Variants in GRAMD2A observed in about 807,000 individuals in gnomAD.
The protein encoded by GRAMD2A is GRAM domain-containing protein 2A.
Under a neutral mutation model 51.1 loss-of-function variants are expected in GRAMD2A, and 37 were observed. That is an observed-to-expected ratio of 0.72 (90% CI 0.56 to 0.95). The LOEUF is 0.95. GRAMD2A is among the 40% of genes least tolerant of loss of function. The pLI, the probability that GRAMD2A is intolerant of heterozygous loss-of-function variation, is 0.00. For missense variants in GRAMD2A, 414 were observed against 426.9 expected, an observed-to-expected ratio of 0.97 and a Z score of 0.27; for synonymous variants, 136 against 157.1, an observed-to-expected ratio of 0.87 and a Z score of 1.01.
Position 72,176,328 on chromosome 15 carries a change from C to A in GRAMD2A, c.42-6389G>T, listed in dbSNP as rs28553452. 4.2e-3 allele frequency among the ~76,000 whole-genome samples: 639 copies of A among 152,370 alleles called. 6 individuals are homozygous for A. The highest frequency in any genetic ancestry group is 0.015 in the African/African-American group (612 of 41,592). Reference sequence around the variant, plus strand: ...CAAATCTCAGCCGGGCCTGCGTGGTCACAGGCAGGGCCTTCCCCACAGCTG... The same window carrying A: ...CAAATCTCAGCCGGGCCTGCGTGGTAACAGGCAGGGCCTTCCCCACAGCTG... On this transcript the variant is annotated intron_variant, in intron 1 of 11. Transcript: ENST00000309731.
At chr15:72,182,824 TAG>T (rs1284749455) in intron 1 of GRAMD2A, among the ~76,000 whole-genome samples, 1 of 152,188 alleles carries the variant, frequency 6.6e-6, no homozygotes, top group East Asian at 1.9e-4. Flanking sequence ...TCTTTGGGTA[TAG>T]AGTTTCAGTT....
chr15:72,196,128 C>A (rs1414713086), intron 1 of GRAMD2A, among the ~76,000 whole-genome samples: 1 of 152,156 alleles, frequency 6.6e-6, no homozygotes, highest in African/African-American at 2.4e-5. Context: ...CCCAGAGGTG[C>A]CCACTGAGGC....
At chr15:72,175,927 GAC>G (rs2081649275) in intron 1 of GRAMD2A, 1 of 152,578 alleles carries the variant, frequency 6.6e-6, no homozygotes, top group Non-Finnish European at 1.5e-5. Context: ...CGCAGAGAAT[GAC>G]ACACCCAGCA....
At chr15:72,169,115 C>A in intron 2 of GRAMD2A, 119 bp from the exon 3 acceptor site, 1 of 844,524 alleles carries the variant, frequency 1.2e-6, no homozygotes. Context: ...GAGACTAGGA[C>A]CCTTCTCTAG....
intron 10 of GRAMD2A, 45 bp downstream of exon 10, chr15:72,163,221 A>T: frequency 7.5e-7 from 1 of 1,329,044 alleles, no homozygotes; most frequent in Non-Finnish European, 1.1e-6. Context: ...CCAAGCACCT[A>T]GACATGCAGG....
chr15:72,197,102 T>A (rs1052043580), intron 1 of GRAMD2A, among the ~76,000 whole-genome samples: 2 of 152,198 alleles, frequency 1.3e-5, no homozygotes, highest in African/African-American at 4.8e-5. Context: ...CCTGCCTCCT[T>A]ATCCCTTTCT....
At chr15:72,176,274 T>C (rs1321375329) in intron 1 of GRAMD2A, among the ~76,000 whole-genome samples, 1 of 152,226 alleles carries the variant, frequency 6.6e-6, no homozygotes. Context: ...CCTCTGGCAG[T>C]GGCCAAGCCT....
At position 72,162,379 on chromosome 15, in the gene GRAMD2A, T is replaced by C. The variant is rs1387626079; in HGVS notation, c.957-2A>G. Reference sequence around the variant, plus strand: ...GAGGACATGACCAGGAAGCAGATCCTGAAGAAAGCGGCAATACGGAGTTAA... The same window carrying C: ...GAGGACATGACCAGGAAGCAGATCCCGAAGAAAGCGGCAATACGGAGTTAA... On this transcript the variant is annotated splice_acceptor_variant, in intron 10 of 11. Coordinates refer to ENST00000309731, the MANE Select transcript of GRAMD2A (RefSeq NM_001012642.3). LOFTEE classifies it high-confidence loss of function. The C allele has an allele frequency of 6.2e-7, 1 of 1,601,500 alleles. No homozygotes were observed. The highest frequency in any genetic ancestry group is 8.6e-7 in the Non-Finnish European group (1 of 1,169,022).
chr15:72,163,208 G>T, intron 10 of GRAMD2A, 58 bp downstream of exon 10: 1 of 1,216,892 alleles, frequency 8.2e-7, no homozygotes, highest in Non-Finnish European at 1.2e-6. Flanking sequence ...CAAGGCCCTT[G>T]TTCCAAGCAC....
rs2081565498 is a variant in GRAMD2A at position 72,167,858 on chromosome 15, G to C, written c.269-19C>G. 6.3e-7 allele frequency: 1 copy of C among 1,584,206 alleles called. No homozygotes were observed. Among genetic ancestry groups the C allele is most frequent in the South Asian group, 1.1e-5 (1 of 90,476 alleles). ...GAACACACTAGGATGTCACAGGAGA[G>C]AAAATGGCCATAAGCAAGGTCAGCC... On this transcript the variant is annotated intron_variant, in intron 4 of 11. Transcript: ENST00000309731.
chr15:72,178,490 C>T (rs2081670796), intron 1 of GRAMD2A, among the ~76,000 whole-genome samples: 1 of 150,714 alleles, frequency 6.6e-6, no homozygotes, highest in Non-Finnish European at 1.5e-5. Flanking sequence ...TTATTATCAT[C>T]AATGTGCTGA....
chr15:72,180,724 A>G (rs1473577123), intron 1 of GRAMD2A, among the ~76,000 whole-genome samples: 1 of 152,222 alleles, frequency 6.6e-6, no homozygotes, highest in East Asian at 1.9e-4. Context: ...GAAGACAGGA[A>G]TGCAGGCCTG....
rs2081602242 is a variant in GRAMD2A at position 72,170,713 on chromosome 15, T to C, written c.42-774A>G. Among the ~76,000 whole-genome samples the C allele has an allele frequency of 6.6e-6, 1 of 152,138 alleles. No individual in the cohort carries two copies. Among genetic ancestry groups the C allele is most frequent in the South Asian group, 2.1e-4 (1 of 4,818 alleles). On this transcript the variant is annotated intron_variant, in intron 1 of 11. Coordinates refer to ENST00000309731, the MANE Select transcript of GRAMD2A (RefSeq NM_001012642.3). The surrounding 1 kb of genome is among the most constrained non-coding windows in gnomAD (Gnocchi z 4.5). ...CTCCAGGCTACACATCAATAAAGCC[T>C]GAGCCGTCAAGCCAGCCCCAACCAA... is the stretch of plus-strand genomic sequence containing the variant.
At chr15:72,191,430 T>C (rs993032149) in intron 1 of GRAMD2A, among the ~76,000 whole-genome samples, 7 of 152,282 alleles carry the variant, frequency 4.6e-5, no homozygotes, top group Middle Eastern at 3.4e-3. Context: ...CTCAAACTCC[T>C]GACCTCAGGT....
intron 1 of GRAMD2A, among the ~76,000 whole-genome samples, chr15:72,186,067 C>G (rs975579770): frequency 6.6e-6 from 1 of 152,048 alleles, no homozygotes; most frequent in Admixed American, 6.5e-5. Flanking sequence ...ATGTAGGGAG[C>G]TCATCCAAGT....
intron 1 of GRAMD2A, among the ~76,000 whole-genome samples, chr15:72,172,679 C>T (rs561107494): frequency 1.4e-3 from 210 of 152,090 alleles, no homozygotes; most frequent in African/African-American, 4.4e-3. Flanking sequence ...ATTCACCTGC[C>T]TTGGCCTCTC....
At chr15:72,193,069 T>C (rs2081779507) in intron 1 of GRAMD2A, among the ~76,000 whole-genome samples, 2 of 151,810 alleles carry the variant, frequency 1.3e-5, no homozygotes, top group African/African-American at 4.8e-5. Flanking sequence ...GAGTTTGCAG[T>C]GAGCTGATAT....
At chr15:72,189,256 C>T (rs943390523) in intron 1 of GRAMD2A, among the ~76,000 whole-genome samples, 2 of 152,118 alleles carry the variant, frequency 1.3e-5, no homozygotes, top group African/African-American at 4.8e-5. Flanking sequence ...CTTTCAGAAC[C>T]AACAGAAAAA....
chr15:72,165,412 T>C lies in GRAMD2A; in HGVS notation c.544-2A>G. 6.2e-7 allele frequency: 1 copy of C among 1,614,006 alleles called. No individual in the cohort carries two copies. Among genetic ancestry groups the C allele is most frequent in the Non-Finnish European group, 8.5e-7 (1 of 1,179,958 alleles). ...ACTCAGACTCTTCTTGCTGGAAGGC[T>C]GAGGAGGAAAGGGAACAGCAGTCAC... On this transcript the variant is annotated splice_acceptor_variant, in intron 7 of 11. Transcript: ENST00000309731. LOFTEE classifies it high-confidence loss of function.
Sources: gnomAD v4.1 joint callset for allele counts (sites outside exome capture counted in the v4.1 genomes callset) on GRCh38, gnomAD v4.1.1 for gene constraint, Gnocchi (gnomAD v3.1) non-coding constraint, MANE v1.5 for transcripts, NCBI Gene and HGNC (gene_info 2026-07-23, HGNC 2026-07-21) for gene names.